The following COMMD1 variants were observed in gnomAD, a reference collection of about 807,000 sequenced individuals.
COMMD1 encodes the protein copper metabolism domain containing 1.
A neutral mutation model predicts 17.2 loss-of-function variants in COMMD1; 10 were observed. That is an observed-to-expected ratio of 0.58 (90% CI 0.36 to 0.99). The LOEUF is 0.99. Ranked by LOEUF, COMMD1 falls within the 50% of genes least tolerant of loss-of-function variation. The pLI, the probability that COMMD1 is intolerant of heterozygous loss-of-function variation, is 0.01. For synonymous variants in COMMD1, 97 were observed against 91.6 expected (o/e 1.06, Z -0.34); for missense variants, 270 against 231.8 (o/e 1.17, Z -1.07).
At chr2:61,888,469 G>A (rs1229257091), upstream of COMMD1, 3 of 1,611,862 alleles carry the variant, frequency 1.9e-6, no homozygotes, top group Admixed American at 1.7e-5. Flanking sequence ...CGGCAGCCCC[G>A]GCAGTCGCCC....
chr2:62,109,962 G>C (rs984970340), intron 2 of COMMD1, among the ~76,000 whole-genome samples: 1 of 108,440 alleles, frequency 9.2e-6, no homozygotes, highest in Non-Finnish European at 1.7e-5. Flanking sequence ...ATGTGGTCTT[G>C]CTATGTTACC....
chr2:61,913,281 C>G (rs1669956794), intron 1 of COMMD1, among the ~76,000 whole-genome samples: 2 of 149,772 alleles, frequency 1.3e-5, no homozygotes, highest in African/African-American at 4.9e-5. Context: ...GCAGGAGAAT[C>G]CCTTGAACCT....
chr2:61,905,032 AATAAT>A (rs1295387943), upstream of COMMD1, among the ~76,000 whole-genome samples: 5 of 152,208 alleles, frequency 3.3e-5, no homozygotes, highest in Admixed American at 3.3e-4. Flanking sequence ...TTTATGGCTG[AATAAT>A]ATATTGATTT....
intron 2 of COMMD1, among the ~76,000 whole-genome samples, chr2:62,069,038 G>C (rs1381699023): frequency 1.3e-5 from 2 of 152,112 alleles, no homozygotes; most frequent in Non-Finnish European, 2.9e-5. Context: ...ATATTAAATA[G>C]TTTTGTCTAG....
chr2:61,973,278 A>T (rs1489201616), intron 1 of COMMD1, among the ~76,000 whole-genome samples: 1 of 152,180 alleles, frequency 6.6e-6, no homozygotes, highest in Non-Finnish European at 1.5e-5. Context: ...TACGTTGCAG[A>T]GGAGTTGCTT....
intron 2 of COMMD1, among the ~76,000 whole-genome samples, chr2:62,053,385 GA>G (rs566186422): frequency 8.7e-5 from 13 of 149,808 alleles, no homozygotes; most frequent in East Asian, 2.0e-4. Flanking sequence ...TTTGTGCAAT[GA>G]AAAAAAAATA....
At chr2:61,919,114 C>T (rs1345613771) in intron 1 of COMMD1, among the ~76,000 whole-genome samples, 2 of 151,988 alleles carry the variant, frequency 1.3e-5, no homozygotes, top group African/African-American at 4.8e-5. Context: ...CAGGTTTAAG[C>T]GATTCTCCTG....
rs553157506 is a variant in COMMD1, at chr2:61,955,831, G to A, written c.181-44870G>A. Among the ~76,000 whole-genome samples the A allele has an allele frequency of 5.9e-5, 9 of 152,004 alleles. No individual in the cohort carries two copies. The South Asian group carries it at 6.3e-4, about 11-fold the overall frequency. On this transcript the variant is annotated intron_variant, in intron 1 of 2. Coordinates refer to ENST00000311832, the MANE Select transcript of COMMD1 (RefSeq NM_152516.4). The stretch of plus-strand genomic sequence containing the variant: ...CTCCCTAGTAGCTGGGATTACAGGC[G>A]CCCACCACCACGCCAGGCTAATTTT...
intron 2 of COMMD1, among the ~76,000 whole-genome samples, chr2:62,083,049 A>T (rs956919752): frequency 2.6e-4 from 39 of 152,168 alleles, no homozygotes; most frequent in Admixed American, 2.5e-3. Flanking sequence ...GCTTGAGCCC[A>T]GGAGTTTGAG....
rs1020328251 is a variant in COMMD1 at position 62,016,497 on chromosome 2, C to T, written c.462+15515C>T. On this transcript the variant is annotated intron_variant, in intron 2 of 2. Coordinates refer to ENST00000311832, the MANE Select transcript of COMMD1 (RefSeq NM_152516.4). The stretch of plus-strand genomic sequence containing the variant: ...GTGCTGGGATTATAAGCATGAGCCA[C>T]TGAACCCAGCCTCTTTTTTTTTTTT... 5.3e-5 allele frequency among the ~76,000 whole-genome samples: 8 copies of T among 150,192 alleles called. No individual in the cohort carries two copies. In the South Asian group the frequency reaches 1.7e-3, roughly 31 times the overall value.
intron 2 of COMMD1, among the ~76,000 whole-genome samples, chr2:62,042,681 G>C (rs562070984): frequency 5.9e-5 from 9 of 152,356 alleles, no homozygotes; most frequent in East Asian, 5.8e-4. Context: ...AGGGCTCCTC[G>C]AGCGCAGCCA....
At chr2:61,917,064 G>A (rs1423425623) in intron 1 of COMMD1, among the ~76,000 whole-genome samples, 1 of 152,090 alleles carries the variant, frequency 6.6e-6, no homozygotes, top group African/African-American at 2.4e-5. Context: ...GCTTAGAAGT[G>A]CATTTGGGGC....
chr2:62,065,717 G>T (rs1430303770), intron 2 of COMMD1, among the ~76,000 whole-genome samples: 2 of 152,182 alleles, frequency 1.3e-5, no homozygotes, highest in African/African-American at 4.8e-5. Context: ...ATGAAGGTAT[G>T]ATGTTTATTA....
At chr2:62,099,822 C>T (rs1041533866) in intron 2 of COMMD1, among the ~76,000 whole-genome samples, 1 of 151,964 alleles carries the variant, frequency 6.6e-6, no homozygotes, top group Non-Finnish European at 1.5e-5. Context: ...CCTGTAGGGC[C>T]GCTGCATGTT....
intron 1 of COMMD1, among the ~76,000 whole-genome samples, chr2:61,894,617 C>T (rs896306765): frequency 6.6e-6 from 1 of 151,066 alleles, no homozygotes; most frequent in Non-Finnish European, 1.5e-5. Flanking sequence ...GAAACTAGGC[C>T]TCTGCTTCAT....
chr2:62,095,807 C>CATATATATAT lies in COMMD1; in HGVS notation c.463-40019_463-40010dup, dbSNP rs143205759. Among the ~76,000 whole-genome samples, 60 of 67,946 alleles carry CATATATATAT rather than the reference C, an allele frequency of 8.8e-4. 12 individuals carry two copies. The highest frequency in any genetic ancestry group is 3.0e-3 in the African/African-American group (34 of 11,486). 44.6% of individuals were successfully genotyped at this position (67,946 alleles called of 152,430 possible). ...TTGTGTAGTCAAGTTTCACAGCATG[C>CATATATATAT]ATATATATATATATGCATATCAGGG... On this transcript the variant is annotated intron_variant, in intron 2 of 2. Coordinates refer to ENST00000311832, the MANE Select transcript of COMMD1 (RefSeq NM_152516.4).
chr2:61,891,269 G>C (rs75886552), intron 1 of COMMD1, among the ~76,000 whole-genome samples: 2 of 152,300 alleles, frequency 1.3e-5, no homozygotes, highest in East Asian at 3.9e-4. Flanking sequence ...TTAAAGTTTT[G>C]AGACATGCTT....
intron 1 of COMMD1, among the ~76,000 whole-genome samples, chr2:61,945,648 G>A (rs566844779): frequency 2.6e-4 from 39 of 152,348 alleles, no homozygotes; most frequent in Non-Finnish European, 4.4e-4. Flanking sequence ...CTGATGACAT[G>A]TGCCCAGGGT....
intron 1 of COMMD1, among the ~76,000 whole-genome samples, chr2:61,972,914 G>A (rs569372663): frequency 1.3e-5 from 2 of 152,068 alleles, no homozygotes; most frequent in African/African-American, 4.8e-5. Flanking sequence ...CAAGTGATCC[G>A]CCCGCTTCGG....
Sources: allele counts gnomAD v4.1 joint callset (sites outside exome capture counted in the v4.1 genomes callset), GRCh38; gene constraint gnomAD v4.1.1; transcripts MANE v1.5; gene names NCBI Gene and HGNC (gene_info 2026-07-23, HGNC 2026-07-21).